Variants in NINL observed in about 807,000 individuals in gnomAD.
NINL encodes ninein-like protein.
A neutral mutation model predicts 160.3 loss-of-function variants in NINL; 153 were observed. The ratio of observed to expected loss-of-function variants is 0.95; its 90% CI spans 0.84 to 1.09. The LOEUF is 1.09. NINL is among the 50% of genes least tolerant of loss of function. NINL has a pLI of 0.00. For missense variants in NINL, 1,829 were observed against 1,764.0 expected, an observed-to-expected ratio of 1.04 and a Z score of -0.66; for synonymous variants, 800 against 734.8, an observed-to-expected ratio of 1.09 and a Z score of -1.43.
intron 2 of NINL, among the ~76,000 whole-genome samples, chr20:25,525,602 T>C (rs2146958828): frequency 6.6e-6 from 1 of 152,260 alleles, no homozygotes; most frequent in Middle Eastern, 3.4e-3. Context: ...TGCAGTGAGC[T>C]GAGACGGCTC....
intron 14 of NINL, 37 bp downstream of exon 14, chr20:25,481,931 G>A: frequency 1.3e-6 from 2 of 1,586,556 alleles, no homozygotes; most frequent in East Asian, 2.2e-5. Flanking sequence ...TCAACAGCAG[G>A]CCTTGGGTCA....
intron 1 of NINL, among the ~76,000 whole-genome samples, chr20:25,527,755 C>T (rs925429957): frequency 3.3e-5 from 5 of 152,104 alleles, no homozygotes; most frequent in Non-Finnish European, 2.9e-5. Flanking sequence ...CAAGGGATCT[C>T]GTCCACTGCT....
In NINL at chr20:25,477,023, G is replaced by A; in HGVS notation, c.2268C>T (p.Asp756=). Residue 756 remains aspartate (D), a synonymous_variant, in exon 17 of 24, where the codon GAC becomes GAT. Transcript: ENST00000278886. ...GCGGCTCCTCCAGCTCCAAGGTCAGGTCTCTGCGAGCGGGCAGGGCTCCCA... is the reference window on the plus strand; with the variant it reads ...GCGGCTCCTCCAGCTCCAAGGTCAGATCTCTGCGAGCGGGCAGGGCTCCCA... ...SGLGALPARR[D]LTLELEEPPQ... is the part of the protein sequence containing the mutation. 1 of 1,600,166 alleles carries A rather than the reference G, an allele frequency of 6.2e-7. No individual in the cohort carries two copies.
At chr20:25,479,787 C>T (rs1315960761) in intron 15 of NINL, among the ~76,000 whole-genome samples, 2 of 152,214 alleles carry the variant, frequency 1.3e-5, no homozygotes, top group Non-Finnish European at 2.9e-5. Context: ...GCCTCAAAGC[C>T]ACTGAGCTAC....
At chr20:25,545,922 G>C (rs2064725976) in intron 1 of NINL, among the ~76,000 whole-genome samples, 1 of 152,130 alleles carries the variant, frequency 6.6e-6, no homozygotes, top group African/African-American at 2.4e-5. Flanking sequence ...CTATCTGGAG[G>C]CTCCCTAAGT....
At position 25,480,150 on chromosome 20, in the gene NINL, A is replaced by G; in HGVS notation, c.1917+11T>C. 8 of 1,606,392 alleles carry G rather than the reference A, an allele frequency of 5.0e-6. No individual in the cohort carries two copies. Among genetic ancestry groups the G allele is most frequent in the Non-Finnish European group, 6.8e-6 (8 of 1,173,196 alleles). On this transcript the variant is annotated intron_variant, in intron 15 of 23. Transcript: ENST00000278886. ...CTCCCCCAGGGCCCCACAGCCCCAT[A>G]ATCCCCTCACCTTGGTCTCCAGCTG...
chr20:25,468,378 C>A (rs1369510469), intron 18 of NINL, among the ~76,000 whole-genome samples: 1 of 150,978 alleles, frequency 6.6e-6, no homozygotes, highest in Non-Finnish European at 1.5e-5. Context: ...CACTGGTGGC[C>A]TCCCTGCTCT....
chr20:25,527,509 CTGTTT>C (rs2064381175), intron 1 of NINL, among the ~76,000 whole-genome samples: 1 of 151,312 alleles, frequency 6.6e-6, no homozygotes, highest in South Asian at 2.1e-4. Flanking sequence ...ACAAGGGTTT[CTGTTT>C]TTTTTTCAAA....
chr20:25,509,680 G>A (rs1005465337), intron 5 of NINL: 8 of 456,544 alleles, frequency 1.8e-5, no homozygotes, highest in African/African-American at 1.6e-4. Flanking sequence ...CTTTCTGTGG[G>A]GCCCCTTTCT....
At chr20:25,554,340 T>C (rs996957393) in intron 1 of NINL, among the ~76,000 whole-genome samples, 3 of 152,014 alleles carry the variant, frequency 2.0e-5, no homozygotes, top group African/African-American at 4.8e-5. Context: ...CCCTGCCAGG[T>C]AGAGACATAG....
intron 1 of NINL, among the ~76,000 whole-genome samples, chr20:25,574,899 A>G (rs992619226): frequency 6.6e-6 from 1 of 152,090 alleles, no homozygotes; most frequent in South Asian, 2.1e-4. Context: ...TATTTCATCA[A>G]ATTTGAGATG....
chr20:25,520,402 T>C (rs996851562), intron 2 of NINL, among the ~76,000 whole-genome samples: 26 of 152,318 alleles, frequency 1.7e-4, no homozygotes, highest in African/African-American at 5.5e-4. Flanking sequence ...GTTGCTGCCA[T>C]TGAATGCAAA....
At chr20:25,465,030 A>G (rs950592836) in intron 19 of NINL, among the ~76,000 whole-genome samples, 2 of 152,226 alleles carry the variant, frequency 1.3e-5, no homozygotes, top group Admixed American at 6.5e-5. Context: ...AGAAGCCAAC[A>G]TGAGATGTCA....
intron 13 of NINL, among the ~76,000 whole-genome samples, chr20:25,488,514 G>A (rs1484179568): frequency 1.3e-5 from 2 of 151,974 alleles, no homozygotes; most frequent in African/African-American, 4.8e-5. Flanking sequence ...GTGAGCCACC[G>A]CACCCGGCCT....
In NINL at chr20:25,462,079, G is replaced by A. The variant is rs115357805; in HGVS notation, c.3582+304C>T. On this transcript the variant is annotated intron_variant, in intron 20 of 23. Coordinates refer to ENST00000278886, the MANE Select transcript of NINL (RefSeq NM_025176.6). ...CAAGGCTCTCGGGAACATCCCCATC[G>A]GAATCGTGAAGTCAAGGCATGTGGA... Among the ~76,000 whole-genome samples, 1,005 of 152,306 alleles carry A rather than the reference G, an allele frequency of 6.6e-3. 9 individuals are homozygous for A. The highest frequency in any genetic ancestry group is 0.023 in the African/African-American group (965 of 41,550).
rs946678991 is a variant in NINL at position 25,571,502 on chromosome 20, A to C, written c.-12+13953T>G. Among the ~76,000 whole-genome samples, 4 of 152,310 alleles carry C rather than the reference A, an allele frequency of 2.6e-5. No individual in the cohort carries two copies. The East Asian group carries it at 5.8e-4, about 22-fold the overall frequency. On this transcript the variant is annotated intron_variant, in intron 1 of 23. Coordinates refer to ENST00000278886, the MANE Select transcript of NINL (RefSeq NM_025176.6). ...AGTGACAGGGCTGCAGGGAGGAAGG[A>C]AGGTGGAGACATTTTAGTCCAGAGA...
At chr20:25,511,387 C>T (rs904499206) in intron 4 of NINL, among the ~76,000 whole-genome samples, 3 of 152,186 alleles carry the variant, frequency 2.0e-5, no homozygotes, top group Non-Finnish European at 4.4e-5. Flanking sequence ...GTAAAAACCT[C>T]GTGCTGCAGT....
chr20:25,579,495 G>C (rs556089839), intron 1 of NINL, among the ~76,000 whole-genome samples: 2 of 152,298 alleles, frequency 1.3e-5, no homozygotes, highest in South Asian at 4.1e-4. Flanking sequence ...CAGGTGACAC[G>C]CTACCTTATG....
At chr20:25,571,574 A>G (rs1018987904) in intron 1 of NINL, among the ~76,000 whole-genome samples, 2 of 152,174 alleles carry the variant, frequency 1.3e-5, no homozygotes. Flanking sequence ...ATGCTATTTA[A>G]AAGTTGCTTT....
Sources: allele counts gnomAD v4.1 joint callset (sites outside exome capture counted in the v4.1 genomes callset), GRCh38; gene constraint gnomAD v4.1.1; transcripts MANE v1.5; gene names NCBI Gene and HGNC (gene_info 2026-07-23, HGNC 2026-07-21).